The following IARS1 variants were observed in gnomAD, a reference collection of about 807,000 sequenced individuals.
IARS1 encodes isoleucine--tRNA ligase, cytoplasmic.
A neutral mutation model predicts 168.2 loss-of-function variants in IARS1; 124 were observed. That is an observed-to-expected ratio of 0.74 (90% CI 0.64 to 0.86). The LOEUF (loss-of-function observed/expected upper bound fraction) is 0.86. IARS1 is among the 40% of genes least tolerant of loss of function. The pLI is 0.00. For synonymous variants in IARS1, 532 were observed against 529.4 expected (o/e 1.00, Z -0.07); for missense variants, 1,452 against 1,515.8 (o/e 0.96, Z 0.70).
rs781351325 is a variant in IARS1, at chr9:92,222,675, G to A, written c.3554-3C>T. ...GCCCACTGTCCCCATTAAACACTCT[G>A]TGGAAGACAGAACAAACTGGATTAA... is the stretch of plus-strand genomic sequence containing the variant. On this transcript the variant is annotated splice_region_variant and splice_polypyrimidine_tract_variant and intron_variant, in intron 32 of 33. Coordinates refer to ENST00000443024, the MANE Select transcript of IARS1 (RefSeq NM_002161.6). The A allele has an allele frequency of 1.9e-6, 3 of 1,613,620 alleles. No homozygotes were observed. The highest frequency in any genetic ancestry group is 3.3e-5 in the Admixed American group (2 of 59,952).
intron 27 of IARS1, among the ~76,000 whole-genome samples, chr9:92,244,065 A>C (rs893534310): frequency 6.6e-6 from 1 of 152,196 alleles, no homozygotes; most frequent in Non-Finnish European, 1.5e-5. Context: ...ATGCATGATA[A>C]ACTCAAAATT....
At chr9:92,222,494 A>C in intron 33 of IARS1, 26 bp downstream of exon 33, 1 of 1,603,546 alleles carries the variant, frequency 6.2e-7, no homozygotes, top group South Asian at 1.1e-5. Context: ...CAAAAATAAA[A>C]AACTTACGGT....
chr9:92,258,865 T>A lies in IARS1; in HGVS notation c.2005A>T (p.Arg669Trp). The A allele has an allele frequency of 6.2e-7, 1 of 1,610,042 alleles. No homozygotes were observed. Among genetic ancestry groups the A allele is most frequent in the Non-Finnish European group, 8.5e-7 (1 of 1,178,576 alleles). Residue 669 changes from arginine (R) to tryptophan (W), a missense_variant, in exon 19 of 34, where the codon AGG (arginine) becomes TGG (tryptophan). By Grantham distance (101) the Arg-to-Trp change is moderately radical. Transcript: ENST00000443024. ...CCTACAGCCCATACCTTCTGGAGCC[T>A]CAGAACGTTCTGGATTAAGAAGCGA... is the stretch of plus-strand genomic sequence containing the variant. ...AYRFLIQNVL[R>W]LQKEEEIEFL...
intron 20 of IARS1, among the ~76,000 whole-genome samples, chr9:92,254,570 T>TA (rs773074632): frequency 1.3e-4 from 20 of 152,200 alleles, no homozygotes; most frequent in Non-Finnish European, 2.5e-4. Context: ...CACACTTTCT[T>TA]AGACATGTGA....
At chr9:92,238,093 G>A (rs1827816082) in intron 30 of IARS1, among the ~76,000 whole-genome samples, 1 of 152,008 alleles carries the variant, frequency 6.6e-6, no homozygotes, top group South Asian at 2.1e-4. Flanking sequence ...TTTAGTAGAG[G>A]TGGGGTTTCA....
At chr9:92,213,580 G>A (rs1333225309) in intron 33 of IARS1, among the ~76,000 whole-genome samples, 3 of 152,128 alleles carry the variant, frequency 2.0e-5, no homozygotes, top group Non-Finnish European at 2.9e-5. Context: ...AAGTATATAA[G>A]GAATTCTCCC....
chr9:92,250,535 T>A (rs1829865799), intron 23 of IARS1, among the ~76,000 whole-genome samples, 178 bp downstream of exon 23: 1 of 152,160 alleles, frequency 6.6e-6, no homozygotes, highest in Non-Finnish European at 1.5e-5. Context: ...ACACCAAGCA[T>A]CCTTGCTACC....
At chr9:92,246,930 C>T (rs1478227287) in intron 26 of IARS1, among the ~76,000 whole-genome samples, 1 of 152,200 alleles carries the variant, frequency 6.6e-6, no homozygotes, top group African/African-American at 2.4e-5. Context: ...CAGTGGCACA[C>T]ACCTGTAATC....
chr9:92,225,242 T>G (rs1271299171), intron 31 of IARS1, among the ~76,000 whole-genome samples: 1 of 152,222 alleles, frequency 6.6e-6, no homozygotes, highest in East Asian at 1.9e-4. Context: ...TCCATGGAGG[T>G]AGAGAATGTC....
chr9:92,264,820 T>C, intron 16 of IARS1, 109 bp downstream of exon 16: 1 of 955,666 alleles, frequency 1.0e-6, no homozygotes, highest in Non-Finnish European at 1.6e-6. Context: ...CTGTCTTATT[T>C]GCCACAATCT....
chr9:92,216,704 A>C (rs1288726239), intron 33 of IARS1, among the ~76,000 whole-genome samples: 6 of 124,598 alleles, frequency 4.8e-5, no homozygotes, highest in Non-Finnish European at 1.0e-4. Context: ...AAAGGGATCA[A>C]TTCAACAAGA....
At chr9:92,268,676 G>T (rs1189022115) in intron 13 of IARS1, among the ~76,000 whole-genome samples, 1 of 152,204 alleles carries the variant, frequency 6.6e-6, no homozygotes, top group Non-Finnish European at 1.5e-5. Flanking sequence ...AAGGCCAACA[G>T]GCCAGGGGAT....
intron 20 of IARS1, among the ~76,000 whole-genome samples, chr9:92,255,357 T>A (rs574720782): frequency 6.6e-6 from 1 of 152,238 alleles, no homozygotes; most frequent in Admixed American, 6.5e-5. Context: ...TGAGGGTGGA[T>A]TTGCCTTGCC....
intron 22 of IARS1, 62 bp downstream of exon 22, chr9:92,251,746 C>A: frequency 9.1e-7 from 1 of 1,097,820 alleles, no homozygotes; most frequent in Non-Finnish European, 1.4e-6. Context: ...GATGCTGCAG[C>A]AAGTAGGTGC....
intron 9 of IARS1, 91 bp downstream of exon 9, chr9:92,277,771 TA>T (rs1394266501): frequency 1.2e-5 from 12 of 1,033,434 alleles, no homozygotes; most frequent in Non-Finnish European, 1.7e-5. Flanking sequence ...GGTACACTCA[TA>T]AAAGTAATGT....
chr9:92,275,609 A>G (rs1176131426), intron 9 of IARS1, among the ~76,000 whole-genome samples: 1 of 152,228 alleles, frequency 6.6e-6, no homozygotes, highest in Non-Finnish European at 1.5e-5. Context: ...ACTTAGTTAC[A>G]TGTTCTATAC....
chr9:92,277,554 A>T (rs1587870750), intron 9 of IARS1, among the ~76,000 whole-genome samples: 1 of 151,912 alleles, frequency 6.6e-6, no homozygotes, highest in East Asian at 1.9e-4. Flanking sequence ...GCTGTGTGCC[A>T]GTAGTCCCAG....
At chr9:92,244,455 G>C (rs987296130) in intron 27 of IARS1, among the ~76,000 whole-genome samples, 3 of 152,160 alleles carry the variant, frequency 2.0e-5, no homozygotes, top group South Asian at 2.1e-4. Flanking sequence ...GCTGACTGGG[G>C]ATGTCTGGTC....
At chr9:92,240,749 A>C in intron 30 of IARS1, 107 bp downstream of exon 30, 1 of 731,326 alleles carries the variant, frequency 1.4e-6, no homozygotes, top group Non-Finnish European at 2.5e-6. Context: ...ATGATTAAAT[A>C]ATTATTCCAA....
Sources: allele counts gnomAD v4.1 joint callset (sites outside exome capture counted in the v4.1 genomes callset), GRCh38; gene constraint gnomAD v4.1.1; transcripts MANE v1.5; gene names NCBI Gene and HGNC (gene_info 2026-07-23, HGNC 2026-07-21).